ANK2: variants seen among roughly 807,000 people sequenced by gnomAD.
ANK2 encodes ankyrin 2, also known as ankyrin-2.
A neutral mutation model predicts 360.5 loss-of-function variants in ANK2; 83 were observed. The observed-to-expected ratio is 0.23, with a 90% CI of 0.19 to 0.28. The LOEUF is 0.28. Ranked by LOEUF, ANK2 falls within the 10% of genes least tolerant of loss-of-function variation. The pLI is 1.00. For synonymous variants in ANK2, 1,740 were observed against 1,759.5 expected (o/e 0.99, Z 0.28); for missense variants, 4,201 against 4,795.7 (o/e 0.88, Z 3.66).
At chr4:112,881,549 C>G (rs1464431348) in intron 1 of ANK2, among the ~76,000 whole-genome samples, 1 of 152,114 alleles carries the variant, frequency 6.6e-6, no homozygotes, top group Admixed American at 6.5e-5. Context: ...TTTAAAGACA[C>G]ATTTATTCAG....
chr4:112,738,842 CA>C, the ANK2 span: 1 of 639,504 alleles, frequency 1.6e-6, no homozygotes, highest in South Asian at 1.4e-5. Flanking sequence ...TGATGCCCAA[CA>C]TTGGTTATGG....
chr4:113,112,485 C>T (rs968343758), intron 1 of ANK2, among the ~76,000 whole-genome samples: 9 of 152,094 alleles, frequency 5.9e-5, no homozygotes, highest in Admixed American at 3.3e-4. Context: ...TTCAGTGTTC[C>T]CTTCTCTGTA....
intron 13 of ANK2, among the ~76,000 whole-genome samples, chr4:113,261,909 C>T (rs2053133646): frequency 6.6e-6 from 1 of 152,130 alleles, no homozygotes; most frequent in Non-Finnish European, 1.5e-5. Flanking sequence ...ACATGAAGGC[C>T]AAGCGTGGTG....
chr4:113,345,419 T>C (rs2094730052), intron 34 of ANK2, among the ~76,000 whole-genome samples: 1 of 152,162 alleles, frequency 6.6e-6, no homozygotes, highest in Non-Finnish European at 1.5e-5. Context: ...CTCAAAATAG[T>C]AAAAATGGTA....
the ANK2 span, among the ~76,000 whole-genome samples, chr4:112,764,239 G>A: frequency 5.3e-5 from 8 of 152,120 alleles, no homozygotes; most frequent in East Asian, 1.4e-3. Flanking sequence ...CACTGCGCCC[G>A]GCCCCCTCTG....
chr4:113,137,498 G>A (rs1485028849), intron 1 of ANK2, among the ~76,000 whole-genome samples: 2 of 152,162 alleles, frequency 1.3e-5, no homozygotes, highest in Non-Finnish European at 2.9e-5. Context: ...CACTGAGCAT[G>A]TTTAAATACT....
chr4:112,821,794 G>T (rs558772915), intron 1 of ANK2, among the ~76,000 whole-genome samples: 12 of 145,810 alleles, frequency 8.2e-5, no homozygotes, highest in African/African-American at 2.8e-4. Context: ...TTTGAGAAAG[G>T]GTCTGTCTGT....
intron 1 of ANK2, among the ~76,000 whole-genome samples, chr4:113,098,960 CA>C (rs1238728413): frequency 6.6e-6 from 1 of 151,720 alleles, no homozygotes; most frequent in Non-Finnish European, 1.5e-5. Flanking sequence ...ACCCATTCCT[CA>C]AAAAATAAAA....
intron 1 of ANK2, among the ~76,000 whole-genome samples, chr4:113,132,193 T>C (rs2096081428): frequency 4.6e-5 from 7 of 152,340 alleles, no homozygotes; most frequent in Middle Eastern, 3.4e-3. Context: ...ATACTCATCC[T>C]TGGAATTGTT....
chr4:112,790,403 G>A, the ANK2 span, among the ~76,000 whole-genome samples: 6 of 151,848 alleles, frequency 4.0e-5, no homozygotes, highest in Admixed American at 1.3e-4. Context: ...TTTCTGAGCC[G>A]GATGACCGGA....
At chr4:113,361,642 C>CCA (rs779746537) in intron 39 of ANK2, among the ~76,000 whole-genome samples, 1 of 150,832 alleles carries the variant, frequency 6.6e-6, no homozygotes, top group Non-Finnish European at 1.5e-5. Context: ...GAATAGGAGC[C>CCA]CATAATACTC....
chr4:113,338,264 C>A (rs2093805949), intron 31 of ANK2, among the ~76,000 whole-genome samples: 2 of 151,996 alleles, frequency 1.3e-5, no homozygotes, highest in African/African-American at 4.8e-5. Flanking sequence ...CTCCTACAGC[C>A]CTTTGAACTA....
At chr4:112,896,458 C>T (rs891359714) in intron 1 of ANK2, among the ~76,000 whole-genome samples, 1 of 151,974 alleles carries the variant, frequency 6.6e-6, no homozygotes, top group Non-Finnish European at 1.5e-5. Flanking sequence ...AAAATAGAAA[C>T]CATTTTTACC....
chr4:113,046,689 A>G (rs972341922), upstream of ANK2, among the ~76,000 whole-genome samples: 2 of 152,048 alleles, frequency 1.3e-5, no homozygotes, highest in African/African-American at 4.8e-5. Flanking sequence ...ATAAATTTCT[A>G]TTATTTATAA....
At chr4:113,085,007 C>A (rs1040813318) in intron 1 of ANK2, among the ~76,000 whole-genome samples, 4 of 152,206 alleles carry the variant, frequency 2.6e-5, no homozygotes, top group Non-Finnish European at 5.9e-5. Flanking sequence ...TCCAAATAAT[C>A]CAGGATTATT....
the ANK2 span, among the ~76,000 whole-genome samples, chr4:112,743,907 C>T: frequency 5.3e-5 from 8 of 151,658 alleles, no homozygotes. Context: ...CAGCTCACTA[C>T]AACCTCTGCC....
intron 2 of ANK2, among the ~76,000 whole-genome samples, chr4:113,020,653 C>A (rs1413990263): frequency 1.3e-5 from 2 of 151,962 alleles, no homozygotes; most frequent in Non-Finnish European, 1.5e-5. Flanking sequence ...CATGGTGAAA[C>A]CCCGTCTCTA....
intron 45 of ANK2, 189 bp downstream of exon 45, chr4:113,373,638 C>T (rs2096823453): frequency 5.2e-6 from 4 of 771,480 alleles, no homozygotes; most frequent in South Asian, 2.7e-5. Context: ...ATCAGGGAGA[C>T]TTGTAGGCAT....
the ANK2 span, among the ~76,000 whole-genome samples, chr4:112,724,328 G>C: frequency 1.3e-5 from 2 of 152,150 alleles, no homozygotes; most frequent in East Asian, 3.9e-4. Flanking sequence ...GCCTCTCAAA[G>C]TGCTGGGATT....
Sources: gnomAD v4.1 joint callset for allele counts (sites outside exome capture counted in the v4.1 genomes callset) on GRCh38, gnomAD v4.1.1 for gene constraint, MANE v1.5 for transcripts, NCBI Gene and HGNC (gene_info 2026-07-23, HGNC 2026-07-21) for gene names.